The following CDH26 variants were observed in gnomAD, a reference collection of about 807,000 sequenced individuals.
CDH26 encodes cadherin-like protein 26.
CDH26 carries 83 observed loss-of-function variants against 90.3 expected under a neutral mutation model. That is an observed-to-expected ratio of 0.92 (90% CI 0.77 to 1.10). CDH26 has a LOEUF of 1.10. Among genes scored for constraint, CDH26 ranks in the 50% least tolerant of loss-of-function variants. CDH26 has a pLI of 0.00. For missense variants in CDH26, 1,013 were observed against 1,037.6 expected, an observed-to-expected ratio of 0.98 and a Z score of 0.33; for synonymous variants, 397 against 396.3, an observed-to-expected ratio of 1.00 and a Z score of -0.02.
intron 4 of CDH26, among the ~76,000 whole-genome samples, chr20:59,982,329 T>A (rs944265442): frequency 2.0e-5 from 3 of 152,244 alleles, no homozygotes; most frequent in Admixed American, 2.0e-4. Context: ...TTTATTATGA[T>A]GTCTTTTTAA....
intron 1 of CDH26, among the ~76,000 whole-genome samples, chr20:59,960,183 C>A (rs2061049795): frequency 6.6e-6 from 1 of 152,146 alleles, no homozygotes. Flanking sequence ...GTTTTGCCCC[C>A]AAAGGTTCAG....
chr20:60,019,852 A>G (rs960250424), intron 7 of CDH26, among the ~76,000 whole-genome samples: 6 of 152,216 alleles, frequency 3.9e-5, no homozygotes, highest in African/African-American at 7.2e-5. Flanking sequence ...AGTAGGTTTC[A>G]TATGGAAAAA....
rs1397050057 is a variant in CDH26 at position 59,992,461 on chromosome 20, G to A, written c.1367G>A (p.Arg456Gln). The A allele has an allele frequency of 6.2e-6, 10 of 1,613,972 alleles. No homozygotes were observed. The highest frequency in any genetic ancestry group is 1.3e-5 in the African/African-American group (1 of 74,902). Residue 456 changes from arginine (R) to glutamine (Q), a missense_variant, in exon 10 of 18, where the codon CGA becomes CAA. Physicochemically the swap from Arg to Gln is conservative, Grantham distance 43. Coordinates refer to ENST00000348616, the MANE Select transcript of CDH26 (RefSeq NM_177980.4). The surrounding 1 kb of genome is among the most constrained non-coding windows in gnomAD (Gnocchi z 5.0). ...GVVITVEPID[R>Q]ESPHVNNSFY... is the part of the protein sequence containing the mutation. ...GTCATCACCGTGGAGCCAATTGACC[G>A]AGAATCCCCTCATGTAAATAACAGT...
chr20:59,996,488 C>T, intron 12 of CDH26, 143 bp from the exon 13 acceptor site: 1 of 1,611,822 alleles, frequency 6.2e-7, no homozygotes, highest in Non-Finnish European at 8.5e-7. Context: ...CTGTGCTGAA[C>T]TTTATAGCTA....
intron 4 of CDH26, among the ~76,000 whole-genome samples, chr20:59,977,913 C>T (rs1184682008): frequency 1.3e-5 from 2 of 152,184 alleles, no homozygotes; most frequent in East Asian, 3.9e-4. Flanking sequence ...CTGGGCTCTG[C>T]CCATTCACCC....
intron 4 of CDH26, among the ~76,000 whole-genome samples, chr20:59,976,534 CA>C (rs2061330315): frequency 6.6e-6 from 1 of 152,206 alleles, no homozygotes; most frequent in Non-Finnish European, 1.5e-5. Flanking sequence ...CACAGTTTTA[CA>C]GCCAGAAGTC....
At position 59,983,079 on chromosome 20, in the gene CDH26, G is replaced by A. The variant is rs1479429784; in HGVS notation, c.541+9G>A. On this transcript the variant is annotated intron_variant, in intron 5 of 17. Transcript: ENST00000348616. The stretch of plus-strand genomic sequence containing the variant: ...AGAAAACCAATCTGCAGGTGTGTGC[G>A]GCTGGGGGGCTGCCGGGCTTCCTTC... The A allele has an allele frequency of 1.6e-5, 26 of 1,611,892 alleles. No individual in the cohort carries two copies. The highest frequency in any genetic ancestry group is 6.6e-5 in the South Asian group (6 of 90,816).
chr20:59,997,517 T>C (rs925473874), intron 13 of CDH26, among the ~76,000 whole-genome samples: 4 of 152,388 alleles, frequency 2.6e-5, no homozygotes, highest in Non-Finnish European at 4.4e-5. Flanking sequence ...CAATGGCCAC[T>C]GGTTTTTCAA....
chr20:60,031,613 G>A (rs2062040319), intron 8 of CDH26, among the ~76,000 whole-genome samples: 1 of 152,298 alleles, frequency 6.6e-6, no homozygotes, highest in South Asian at 2.1e-4. Context: ...AATTCCCAGA[G>A]CAGTTGATGT....
intron 1 of CDH26, among the ~76,000 whole-genome samples, chr20:59,960,557 CA>C (rs1212253087): frequency 1.3e-5 from 2 of 152,182 alleles, no homozygotes; most frequent in Non-Finnish European, 2.9e-5. Flanking sequence ...AAACCTTACA[CA>C]AAAAATACTT....
At chr20:59,958,929 T>G in intron 1 of CDH26, 134 bp downstream of exon 1, 1 of 814,756 alleles carries the variant, frequency 1.2e-6, no homozygotes, top group Non-Finnish European at 1.9e-6. Context: ...CTGGCTGTCT[T>G]GAGAATGGCT....
At position 59,970,052 on chromosome 20, in the gene CDH26, C is replaced by T. The variant is rs748076277; in HGVS notation, c.127-30C>T. The T allele has an allele frequency of 3.5e-5, 56 of 1,604,716 alleles. No individual in the cohort carries two copies. In the South Asian group the frequency reaches 5.8e-4, roughly 17 times the overall value. On this transcript the variant is annotated intron_variant, in intron 2 of 17. Transcript: ENST00000348616. ...TGGCTGTGAGCATCACTGCCATCCT[C>T]ATTGTCACCAGTGTCACTATAAGTT...
chr20:59,969,765 G>A (rs723680), intron 2 of CDH26, among the ~76,000 whole-genome samples: 18,957 of 152,148 alleles, frequency 0.12, 1,698 homozygotes, highest in East Asian at 0.34. Context: ...CTCAACAACC[G>A]TTTGCATGTC....
rs1386122957 is a variant in CDH26, at chr20:60,013,325, T to C, written c.*595T>C. 2.0e-5 allele frequency: 3 copies of C among 152,212 alleles called. No individual in the cohort carries two copies. The highest frequency in any genetic ancestry group is 4.4e-5 in the Non-Finnish European group (3 of 68,036). 9.4% of individuals were successfully genotyped at this position (152,212 alleles called of 1,614,324 possible). A position where few individuals can be genotyped will look rare whatever the true frequency, so the allele number is the denominator to read the frequency against. ...GAAAGCTTTATAAACAGTATACTCT[T>C]TAAAAAATGAAGAGCTGACATAATT... On this transcript the variant is annotated 3_prime_UTR_variant, in exon 18 of 18. Coordinates refer to ENST00000348616, the MANE Select transcript of CDH26 (RefSeq NM_177980.4).
downstream of CDH26, among the ~76,000 whole-genome samples, chr20:60,034,167 T>C (rs986612062): frequency 1.4e-4 from 21 of 152,172 alleles, no homozygotes; most frequent in African/African-American, 5.1e-4. Context: ...TCAGGAACCC[T>C]GGGACAGAGA....
At chr20:60,021,637 A>T (rs1205010074) in intron 7 of CDH26, among the ~76,000 whole-genome samples, 1 of 152,076 alleles carries the variant, frequency 6.6e-6, no homozygotes, top group Non-Finnish European at 1.5e-5. Context: ...AAATGTCAGC[A>T]GTTTTGCTTA....
chr20:59,982,144 C>T (rs1203632884), intron 4 of CDH26, among the ~76,000 whole-genome samples: 6 of 152,018 alleles, frequency 3.9e-5, no homozygotes, highest in Admixed American at 1.3e-4. Flanking sequence ...TAATTCTCTC[C>T]GCTTCCTTAT....
At chr20:59,995,697 G>A in intron 11 of CDH26, 136 bp from the exon 12 acceptor site, 3 of 712,194 alleles carry the variant, frequency 4.2e-6, no homozygotes, top group Non-Finnish European at 7.3e-6. Flanking sequence ...GTACCCTTGA[G>A]GACCCCTCCC....
intron 16 of CDH26, among the ~76,000 whole-genome samples, 192 bp from the exon 17 acceptor site, chr20:60,006,521 G>A (rs962342434): frequency 1.3e-5 from 2 of 152,172 alleles, no homozygotes; most frequent in Non-Finnish European, 2.9e-5. Context: ...AGCCATGAGA[G>A]CTTGCAGGGC....
Sources: allele counts gnomAD v4.1 joint callset (sites outside exome capture counted in the v4.1 genomes callset), GRCh38; gene constraint gnomAD v4.1.1; non-coding constraint Gnocchi (gnomAD v3.1); transcripts MANE v1.5; gene names NCBI Gene and HGNC (gene_info 2026-07-23, HGNC 2026-07-21).